The following ERBB4 variants were observed in gnomAD, a reference collection of about 807,000 sequenced individuals.
ERBB4 encodes receptor tyrosine-protein kinase erbB-4.
Under a neutral mutation model 158.0 loss-of-function variants are expected in ERBB4, and 42 were observed. That is an observed-to-expected ratio of 0.27 (90% CI 0.21 to 0.34). ERBB4 has a LOEUF of 0.34. Ranked by LOEUF, ERBB4 falls within the 10% of genes least tolerant of loss-of-function variation. The pLI, the probability that ERBB4 is intolerant of heterozygous loss-of-function variation, is 1.00. For synonymous variants in ERBB4, 583 were observed against 558.7 expected, an observed-to-expected ratio of 1.04 and a Z score of -0.61; for missense variants, 1,333 against 1,624.1, an observed-to-expected ratio of 0.82 and a Z score of 3.08.
At chr2:212,055,631 G>C (rs1240546781) in intron 2 of ERBB4, among the ~76,000 whole-genome samples, 1 of 152,254 alleles carries the variant, frequency 6.6e-6, no homozygotes, top group Non-Finnish European at 1.5e-5. Flanking sequence ...AATATTTGCT[G>C]TTCTGCAGCC....
chr2:211,839,203 GAA>G (rs1409821426), intron 3 of ERBB4, among the ~76,000 whole-genome samples: 5 of 129,724 alleles, frequency 3.9e-5, no homozygotes, highest in South Asian at 2.8e-4. Flanking sequence ...GGGAAAGAAA[GAA>G]AGAGAGAGAG....
chr2:212,187,066 C>T (rs775538390), intron 1 of ERBB4, among the ~76,000 whole-genome samples: 7 of 151,980 alleles, frequency 4.6e-5, no homozygotes, highest in South Asian at 2.1e-4. Context: ...GCTCAGAGGC[C>T]GAACCCTAAG....
intron 3 of ERBB4, among the ~76,000 whole-genome samples, chr2:211,929,164 C>A (rs932057691): frequency 1.3e-5 from 2 of 151,744 alleles, no homozygotes; most frequent in African/African-American, 4.8e-5. Flanking sequence ...TTTCACAAAT[C>A]CTAACTGCTG....
intron 13 of ERBB4, among the ~76,000 whole-genome samples, chr2:211,675,748 T>C (rs1000533569): frequency 5.6e-5 from 8 of 141,934 alleles, no homozygotes; most frequent in Non-Finnish European, 1.2e-4. Context: ...GCCACATTTT[T>C]TAACATATAT....
At chr2:212,314,826 AATC>A (rs745505163) in intron 1 of ERBB4, among the ~76,000 whole-genome samples, 1 of 151,204 alleles carries the variant, frequency 6.6e-6, no homozygotes, top group Non-Finnish European at 1.5e-5. Context: ...AGTCATGATA[AATC>A]ATCATCAACA....
intron 21 of ERBB4, among the ~76,000 whole-genome samples, chr2:211,430,551 T>C (rs1433873007): frequency 6.6e-6 from 1 of 152,158 alleles, no homozygotes; most frequent in Non-Finnish European, 1.5e-5. Context: ...ATCTATGTTC[T>C]CTATAAGAGT....
chr2:211,405,944 T>C (rs926896414), intron 25 of ERBB4, among the ~76,000 whole-genome samples: 8 of 152,170 alleles, frequency 5.3e-5, no homozygotes, highest in African/African-American at 1.9e-4. Flanking sequence ...CTTCCCACTC[T>C]GCAACATCCA....
intron 2 of ERBB4, among the ~76,000 whole-genome samples, chr2:211,991,079 T>A (rs1288881822): frequency 6.6e-6 from 1 of 152,004 alleles, no homozygotes; most frequent in Non-Finnish European, 1.5e-5. Flanking sequence ...TAAAATTCAA[T>A]TCTAGTGATG....
chr2:212,097,438 G>C (rs923012539), intron 2 of ERBB4, among the ~76,000 whole-genome samples: 1 of 152,184 alleles, frequency 6.6e-6, no homozygotes, highest in South Asian at 2.1e-4. Flanking sequence ...TGGATCCCTA[G>C]CTAAATGGTG....
At chr2:211,953,256 G>T (rs562829255) in intron 2 of ERBB4, among the ~76,000 whole-genome samples, 1 of 151,908 alleles carries the variant, frequency 6.6e-6, no homozygotes, top group Non-Finnish European at 1.5e-5. Flanking sequence ...CTAGGGGAGG[G>T]ATAGCATTAG....
At chr2:211,780,996 T>C (rs188682074) in intron 4 of ERBB4, among the ~76,000 whole-genome samples, 4 of 152,354 alleles carry the variant, frequency 2.6e-5, no homozygotes, top group Non-Finnish European at 5.9e-5. Context: ...GTATGTCTAA[T>C]GCACACAAAC....
Position 212,475,008 on chromosome 2 carries a change from C to T in ERBB4, c.82+63441G>A, listed in dbSNP as rs536960716. ...GTCCTCCCGCTTAGGCTTTCCCAAA[C>T]TGCTGGAATCACAGGTTTGAGCCAC... On this transcript the variant is annotated intron_variant, in intron 1 of 27. Coordinates refer to ENST00000342788, the MANE Select transcript of ERBB4 (RefSeq NM_005235.3). Among the ~76,000 whole-genome samples, 3 of 152,016 alleles carry T rather than the reference C, an allele frequency of 2.0e-5. No individual in the cohort carries two copies. The South Asian group carries it at 6.2e-4, about 32-fold the overall frequency.
At chr2:211,754,107 G>A (rs564788086) in intron 4 of ERBB4, among the ~76,000 whole-genome samples, 2 of 152,052 alleles carry the variant, frequency 1.3e-5, no homozygotes, top group East Asian at 3.9e-4. Flanking sequence ...TGATCTGCCT[G>A]CCTCGGCCTC....
chr2:211,966,388 C>T, intron 2 of ERBB4, among the ~76,000 whole-genome samples: 1 of 152,028 alleles, frequency 6.6e-6, no homozygotes, highest in East Asian at 1.9e-4. Flanking sequence ...ATTGCAGGCA[C>T]CCGCCACCAC....
At chr2:211,562,463 T>C (rs928968190) in intron 19 of ERBB4, among the ~76,000 whole-genome samples, 1 of 152,198 alleles carries the variant, frequency 6.6e-6, no homozygotes, top group Admixed American at 6.5e-5. Context: ...GGTAAAATAA[T>C]GTATACAAAT....
intron 4 of ERBB4, among the ~76,000 whole-genome samples, chr2:211,770,960 G>A (rs2075676916): frequency 1.3e-5 from 2 of 152,162 alleles, no homozygotes; most frequent in African/African-American, 2.4e-5. Flanking sequence ...TTTGGTAGTT[G>A]GCTCATTTGT....
At chr2:212,449,712 C>T (rs1259875140) in intron 1 of ERBB4, among the ~76,000 whole-genome samples, 1 of 152,074 alleles carries the variant, frequency 6.6e-6, no homozygotes, top group Non-Finnish European at 1.5e-5. Context: ...GTATCAAATT[C>T]TGTTCACTGA....
intron 1 of ERBB4, among the ~76,000 whole-genome samples, chr2:212,233,963 T>TTTTTTATTA (rs371780827): frequency 5.6e-5 from 8 of 143,814 alleles, no homozygotes; most frequent in African/African-American, 2.0e-4. Flanking sequence ...CTTTGCATTA[T>TTTTTTATTA]TTATTATTAT....
intron 1 of ERBB4, among the ~76,000 whole-genome samples, chr2:212,490,029 T>C (rs1690185546): frequency 1.3e-5 from 2 of 151,854 alleles, no homozygotes; most frequent in South Asian, 2.1e-4. Context: ...AAACCCATTA[T>C]ACTGTTTCTA....
Sources: allele counts gnomAD v4.1 joint callset (sites outside exome capture counted in the v4.1 genomes callset), GRCh38; gene constraint gnomAD v4.1.1; transcripts MANE v1.5; gene names NCBI Gene and HGNC (gene_info 2026-07-23, HGNC 2026-07-21).